The following SLC25A20 variants were observed in gnomAD, a reference collection of about 807,000 sequenced individuals.
SLC25A20 encodes the protein mitochondrial carnitine/acylcarnitine carrier protein.
A neutral mutation model predicts 39.7 loss-of-function variants in SLC25A20; 29 were observed. That is an observed-to-expected ratio of 0.73 (90% confidence interval 0.54 to 1.00). SLC25A20 has a LOEUF of 1.00. Among genes scored for constraint, SLC25A20 ranks in the 50% least tolerant of loss-of-function variants. The pLI is 0.00. For missense variants in SLC25A20, 333 were observed against 379.9 expected (o/e 0.88, Z 1.03); for synonymous variants, 103 against 142.2 (o/e 0.72, Z 1.96).
intron 3 of SLC25A20, among the ~76,000 whole-genome samples, chr3:48,881,074 G>C (rs2083792096): frequency 6.6e-6 from 1 of 152,116 alleles, no homozygotes; most frequent in Non-Finnish European, 1.5e-5. Flanking sequence ...AGGAGCTTAT[G>C]AACAGATGCC....
chr3:48,890,332 G>A (rs1344211486), intron 2 of SLC25A20, among the ~76,000 whole-genome samples: 5 of 151,912 alleles, frequency 3.3e-5, no homozygotes, highest in South Asian at 2.1e-4. Flanking sequence ...GACTACAGGC[G>A]CCCACCTCCA....
chr3:48,891,789 C>G (rs1032866584), intron 2 of SLC25A20, among the ~76,000 whole-genome samples, 191 bp downstream of exon 2: 3 of 152,168 alleles, frequency 2.0e-5, no homozygotes, highest in African/African-American at 7.2e-5. Flanking sequence ...CTGTATAAAA[C>G]AGTAGCTAGA....
intron 1 of SLC25A20, among the ~76,000 whole-genome samples, chr3:48,893,079 T>C (rs1437491520): frequency 6.6e-6 from 1 of 151,464 alleles, no homozygotes; most frequent in Non-Finnish European, 1.5e-5. Flanking sequence ...CAGGCTGGAG[T>C]GCGGCGGTGT....
In SLC25A20 at chr3:48,897,374, T is replaced by A. The variant is rs1269627238; in HGVS notation, c.105+1316A>T. On this transcript the variant is annotated intron_variant, in intron 1 of 8. Transcript: ENST00000319017. ...ATATATATATATATATATATTTTTTTTTTTTTTTTTTTTAAGGGCGGCCCC... is the reference window on the plus strand; with the variant it reads ...ATATATATATATATATATATTTTTTATTTTTTTTTTTTTAAGGGCGGCCCC... Among the ~76,000 whole-genome samples, 345 of 144,258 alleles carry A rather than the reference T, an allele frequency of 2.4e-3. 2 individuals carry two copies. The highest frequency in any genetic ancestry group is 8.3e-3 in the African/African-American group (329 of 39,582). 94.6% of individuals were successfully genotyped at this position (144,258 alleles called of 152,430 possible).
intron 4 of SLC25A20, among the ~76,000 whole-genome samples, chr3:48,864,527 A>C (rs2083651473): frequency 6.6e-6 from 1 of 152,000 alleles, no homozygotes; most frequent in Non-Finnish European, 1.5e-5. Flanking sequence ...TAAAAATAAT[A>C]AATGTAAGAT....
At chr3:48,867,956 G>C (rs1432229072) in intron 4 of SLC25A20, among the ~76,000 whole-genome samples, 1 of 151,970 alleles carries the variant, frequency 6.6e-6, no homozygotes, top group Non-Finnish European at 1.5e-5. Context: ...GGCTACTCGG[G>C]AGGCTGCGGC....
chr3:48,889,169 T>TTTA (rs949528764), intron 2 of SLC25A20, among the ~76,000 whole-genome samples: 1 of 151,762 alleles, frequency 6.6e-6, no homozygotes, highest in African/African-American at 2.4e-5. Flanking sequence ...AATGAAGTTA[T>TTTA]TTATTATTAT....
At chr3:48,869,423 G>A (rs1196392349) in intron 4 of SLC25A20, among the ~76,000 whole-genome samples, 1 of 152,190 alleles carries the variant, frequency 6.6e-6, no homozygotes, top group East Asian at 1.9e-4. Context: ...GAAGGCAGCT[G>A]GATCACGAGG....
intron 5 of SLC25A20, among the ~76,000 whole-genome samples, chr3:48,860,068 C>T (rs1379909457): frequency 1.3e-5 from 2 of 152,046 alleles, no homozygotes; most frequent in Admixed American, 1.3e-4. Flanking sequence ...TTCGGGAGGC[C>T]GAGGCGGGCG....
chr3:48,860,300 C>CA lies in SLC25A20; in HGVS notation c.536-674dup, dbSNP rs746290835. 3.6e-3 allele frequency among the ~76,000 whole-genome samples: 343 copies of CA among 95,030 alleles called. 2 individuals carry two copies. The highest frequency in any genetic ancestry group is 0.017 in the Middle Eastern group (2 of 116). The allele number at this position is 95,030 out of a possible 152,430, so 62.3% of individuals were successfully genotyped here. ...TGGCTGACAGAGTGAGACTCCATCT[C>CA]AAAAAAAAAAAAAAATACAAAAATA... is the stretch of plus-strand genomic sequence containing the variant. On this transcript the variant is annotated intron_variant, in intron 5 of 8. Transcript: ENST00000319017.
chr3:48,881,357 C>A (rs1357837103), intron 3 of SLC25A20, among the ~76,000 whole-genome samples: 1 of 152,186 alleles, frequency 6.6e-6, no homozygotes, highest in Non-Finnish European at 1.5e-5. Context: ...TAATGCCCAA[C>A]CCTAGGCTCA....
At chr3:48,897,370 T>A (rs868174824) in intron 1 of SLC25A20, among the ~76,000 whole-genome samples, 4,357 of 135,310 alleles carry the variant, frequency 0.032, 159 homozygotes, top group African/African-American at 0.096. Flanking sequence ...TATATATATT[T>A]TTTTTTTTTT....
rs540673476 is a variant in SLC25A20, at chr3:48,863,181, G to A, written c.418-522C>T. Among the ~76,000 whole-genome samples the A allele has an allele frequency of 5.9e-5, 9 of 152,250 alleles. No homozygotes were observed. The East Asian group carries it at 1.7e-3, about 29-fold the overall frequency. The stretch of plus-strand genomic sequence containing the variant: ...TGCACTCCAGCCTGGGCAGCAGAGT[G>A]AGACTGTCTCAAAATTTAAAAATAA... On this transcript the variant is annotated intron_variant, in intron 4 of 8. Coordinates refer to ENST00000319017, the MANE Select transcript of SLC25A20 (RefSeq NM_000387.6).
chr3:48,872,687 CAA>C (rs551848720), intron 4 of SLC25A20, among the ~76,000 whole-genome samples: 25 of 65,592 alleles, frequency 3.8e-4, no homozygotes, highest in African/African-American at 5.3e-4. Flanking sequence ...CCCATCCTTA[CAA>C]AAAAAAAAAA....
intron 4 of SLC25A20, among the ~76,000 whole-genome samples, chr3:48,870,563 T>TC (rs2083707022): frequency 6.7e-6 from 1 of 149,702 alleles, no homozygotes; most frequent in Non-Finnish European, 1.5e-5. Flanking sequence ...TTTTTCTTTT[T>TC]TTTTTTTTTT....
At chr3:48,873,745 G>A (rs1377558338) in intron 4 of SLC25A20, among the ~76,000 whole-genome samples, 8 of 148,754 alleles carry the variant, frequency 5.4e-5, no homozygotes, top group South Asian at 4.2e-4. Context: ...TTTGGGAGGC[G>A]GAGGTGGGCG....
rs531876933 is a variant in SLC25A20, at chr3:48,865,080, G to C, written c.418-2421C>G. Among the ~76,000 whole-genome samples, 114 of 152,176 alleles carry C rather than the reference G, an allele frequency of 7.5e-4. 1 individual carries two copies. Among genetic ancestry groups the C allele is most frequent in the African/African-American group, 2.5e-3 (104 of 41,524 alleles). ...TGAGGCACCTATTAGCATCCACATA[G>C]AAATGTTGGATAAACTAGTCTGGAG... On this transcript the variant is annotated intron_variant, in intron 4 of 8. Transcript: ENST00000319017.
intron 4 of SLC25A20, among the ~76,000 whole-genome samples, chr3:48,875,107 A>G (rs2083745643): frequency 6.8e-6 from 1 of 147,498 alleles, no homozygotes; most frequent in South Asian, 2.2e-4. Context: ...TTATTTAATT[A>G]ATTTATTTAT....
intron 5 of SLC25A20, among the ~76,000 whole-genome samples, chr3:48,860,484 A>G (rs1158609571): frequency 6.6e-6 from 1 of 151,902 alleles, no homozygotes; most frequent in Non-Finnish European, 1.5e-5. Context: ...GCATGCCTGT[A>G]GTCCCAGCTA....
Sources: gnomAD v4.1 joint callset for allele counts (sites outside exome capture counted in the v4.1 genomes callset) on GRCh38, gnomAD v4.1.1 for gene constraint, MANE v1.5 for transcripts, NCBI Gene and HGNC (gene_info 2026-07-23, HGNC 2026-07-21) for gene names.